DPP10: variants seen among roughly 807,000 people sequenced by gnomAD.
DPP10 encodes inactive dipeptidyl peptidase 10.
A neutral mutation model predicts 120.9 loss-of-function variants in DPP10; 33 were observed. That is an observed-to-expected ratio of 0.27 (90% CI 0.21 to 0.37). The LOEUF is 0.37. DPP10 is among the 10% of genes least tolerant of loss of function. DPP10 has a pLI of 1.00. For synonymous variants in DPP10, 337 were observed against 326.1 expected (o/e 1.03, Z -0.36); for missense variants, 816 against 942.8 (o/e 0.87, Z 1.76).
chr2:115,416,046 T>G (rs1435940291), intron 3 of DPP10, among the ~76,000 whole-genome samples: 1 of 151,830 alleles, frequency 6.6e-6, no homozygotes, highest in Non-Finnish European at 1.5e-5. Context: ...CTTGAAGTCA[T>G]TTTTGGTTAC....
At chr2:114,520,655 A>G (rs1684973064) in intron 1 of DPP10, among the ~76,000 whole-genome samples, 1 of 152,230 alleles carries the variant, frequency 6.6e-6, no homozygotes. Flanking sequence ...AGAAGGGAAG[A>G]ACCACCATCT....
intron 3 of DPP10, 40 bp downstream of exon 3, chr2:115,343,952 T>G: frequency 6.7e-7 from 1 of 1,494,894 alleles, no homozygotes; most frequent in South Asian, 1.3e-5. Context: ...TCATTTTGAG[T>G]TCTGTATAAT....
chr2:115,399,590 T>G (rs2067917825), intron 3 of DPP10, among the ~76,000 whole-genome samples: 1 of 152,180 alleles, frequency 6.6e-6, no homozygotes, highest in Non-Finnish European at 1.5e-5. Context: ...TCACTACCCA[T>G]TGCATTTTAG....
chr2:115,412,624 G>C (rs2069044629), intron 3 of DPP10, among the ~76,000 whole-genome samples: 1 of 152,088 alleles, frequency 6.6e-6, no homozygotes, highest in African/African-American at 2.4e-5. Context: ...TAATAACTAT[G>C]AGTGACTCAG....
intron 1 of DPP10, among the ~76,000 whole-genome samples, chr2:114,995,089 A>G (rs1019852876): frequency 3.3e-5 from 5 of 152,154 alleles, no homozygotes; most frequent in African/African-American, 1.2e-4. Flanking sequence ...ATGAGCTTGT[A>G]TATTGAGGCT....
chr2:114,651,126 G>A (rs1696550806), intron 1 of DPP10, among the ~76,000 whole-genome samples: 1 of 152,066 alleles, frequency 6.6e-6, no homozygotes, highest in African/African-American at 2.4e-5. Context: ...TGTGTCACTT[G>A]CATACATTAC....
intron 1 of DPP10, among the ~76,000 whole-genome samples, chr2:114,666,033 T>C (rs766153024): frequency 3.9e-5 from 6 of 152,174 alleles, no homozygotes; most frequent in Non-Finnish European, 7.4e-5. Context: ...ACACACCAAG[T>C]ACCATCATTT....
chr2:114,653,994 C>T (rs1245440941), intron 1 of DPP10, among the ~76,000 whole-genome samples: 3 of 152,020 alleles, frequency 2.0e-5, no homozygotes, highest in Admixed American at 6.6e-5. Context: ...TTCCAAAAGT[C>T]TTGTTGATGT....
chr2:115,490,228 C>G (rs1574999946), intron 3 of DPP10, among the ~76,000 whole-genome samples: 1 of 152,104 alleles, frequency 6.6e-6, no homozygotes, highest in South Asian at 2.1e-4. Flanking sequence ...TTCTGCATGG[C>G]TAAGGAGGCC....
intron 1 of DPP10, among the ~76,000 whole-genome samples, chr2:114,902,969 C>T (rs1011769132): frequency 1.3e-5 from 2 of 152,166 alleles, no homozygotes; most frequent in African/African-American, 2.4e-5. Flanking sequence ...CTCCCTCCTC[C>T]CTCATTCCCA....
chr2:115,186,493 T>A (rs1166563947), intron 1 of DPP10, among the ~76,000 whole-genome samples: 2 of 152,154 alleles, frequency 1.3e-5, no homozygotes, highest in Non-Finnish European at 2.9e-5. Context: ...GCTTAGCTTA[T>A]CCTTGGTGGT....
chr2:115,610,151 A>T (rs528125775), intron 5 of DPP10, among the ~76,000 whole-genome samples: 1 of 152,118 alleles, frequency 6.6e-6, no homozygotes, highest in East Asian at 1.9e-4. Flanking sequence ...GTACTCAAGG[A>T]TCTGTTTACA....
At chr2:115,336,577 CTCTCTG>C (rs1389897923) in intron 2 of DPP10, among the ~76,000 whole-genome samples, 1 of 148,708 alleles carries the variant, frequency 6.7e-6, no homozygotes, top group Non-Finnish European at 1.5e-5. Context: ...CTCTCTCTCT[CTCTCTG>C]TCTCTCTCTC....
At chr2:115,564,096 G>A (rs2080849364) in intron 5 of DPP10, among the ~76,000 whole-genome samples, 1 of 151,986 alleles carries the variant, frequency 6.6e-6, no homozygotes, top group South Asian at 2.1e-4. Context: ...CTTTTACAGA[G>A]TGGAAATTGT....
chr2:115,114,863 T>C (rs2104702006), intron 1 of DPP10, among the ~76,000 whole-genome samples: 1 of 152,168 alleles, frequency 6.6e-6, no homozygotes, highest in East Asian at 1.9e-4. Context: ...CATTAACACG[T>C]TGGAATTAAT....
At chr2:115,610,662 C>T (rs2084035691) in intron 5 of DPP10, among the ~76,000 whole-genome samples, 1 of 152,052 alleles carries the variant, frequency 6.6e-6, no homozygotes, top group Non-Finnish European at 1.5e-5. Flanking sequence ...TCCTGAAATG[C>T]TTGTATATAT....
intron 1 of DPP10, among the ~76,000 whole-genome samples, chr2:114,830,400 C>A (rs1250132046): frequency 6.6e-6 from 1 of 152,078 alleles, no homozygotes; most frequent in Non-Finnish European, 1.5e-5. Flanking sequence ...CTGGAGTATC[C>A]TCCTTTCTTT....
intron 11 of DPP10, among the ~76,000 whole-genome samples, chr2:115,760,016 A>C (rs961896795): frequency 3.3e-5 from 5 of 152,134 alleles, no homozygotes; most frequent in Non-Finnish European, 5.9e-5. Context: ...TCACAAAAAA[A>C]AAATACAAAA....
At chr2:114,744,958 C>T (rs1678435778) in intron 1 of DPP10, among the ~76,000 whole-genome samples, 1 of 152,088 alleles carries the variant, frequency 6.6e-6, no homozygotes, top group Non-Finnish European at 1.5e-5. Flanking sequence ...GACGGGGTTT[C>T]ACCATATTGG....
Sources: gnomAD v4.1 joint callset for allele counts (sites outside exome capture counted in the v4.1 genomes callset) on GRCh38, gnomAD v4.1.1 for gene constraint, MANE v1.5 for transcripts, NCBI Gene and HGNC (gene_info 2026-07-23, HGNC 2026-07-21) for gene names.